The following DENND1B variants were observed in gnomAD, a reference collection of about 807,000 sequenced individuals.
DENND1B encodes DENN domain-containing protein 1B.
In DENND1B, 59 loss-of-function variants were observed where a neutral mutation model predicts 90.1. That is an observed-to-expected ratio of 0.65 (90% confidence interval 0.53 to 0.81). The LOEUF is 0.81. Ranked by LOEUF, DENND1B falls within the 40% of genes least tolerant of loss-of-function variation. The pLI is 0.00. For missense variants in DENND1B, 862 were observed against 912.6 expected (o/e 0.94, Z 0.71); for synonymous variants, 337 against 324.6 (o/e 1.04, Z -0.41).
Position 197,510,273 on chromosome 1 carries a change from G to T in DENND1B, c.*187C>A. 1.5e-6 allele frequency: 1 copy of T among 653,900 alleles called. No individual in the cohort carries two copies. The highest frequency in any genetic ancestry group is 2.5e-6 in the Non-Finnish European group (1 of 400,996). 40.5% of individuals were successfully genotyped at this position (653,900 alleles called of 1,614,324 possible). A position where few individuals can be genotyped will look rare whatever the true frequency, so the allele number is the denominator to read the frequency against. ...CACTAGTACCTGATTTAAAAGCACA[G>T]TAGAATTCGCTTTATATTTAAAAAT... is the stretch of plus-strand genomic sequence containing the variant. On this transcript the variant is annotated 3_prime_UTR_variant, in exon 23 of 23. Coordinates refer to ENST00000620048, the MANE Select transcript of DENND1B (RefSeq NM_001195215.2).
At chr1:197,750,124 G>A (rs1653273062) in intron 2 of DENND1B, among the ~76,000 whole-genome samples, 1 of 152,148 alleles carries the variant, frequency 6.6e-6, no homozygotes, top group South Asian at 2.1e-4. Flanking sequence ...TGAGACTATA[G>A]GCGTGAGCCA....
At chr1:197,588,266 C>G (rs1674887316) in intron 14 of DENND1B, among the ~76,000 whole-genome samples, 1 of 152,158 alleles carries the variant, frequency 6.6e-6, no homozygotes, top group Admixed American at 6.6e-5. Context: ...GTATGCTGCT[C>G]AACTTCAGAG....
chr1:197,576,703 A>T (rs1673717970), intron 15 of DENND1B, among the ~76,000 whole-genome samples: 1 of 152,116 alleles, frequency 6.6e-6, no homozygotes, highest in South Asian at 2.1e-4. Flanking sequence ...CTTTAAAAAT[A>T]TGTATTCTCT....
intron 2 of DENND1B, among the ~76,000 whole-genome samples, chr1:197,723,349 C>T (rs1041978536): frequency 1.3e-5 from 2 of 152,102 alleles, no homozygotes; most frequent in African/African-American, 4.8e-5. Context: ...AATTTCTTTT[C>T]TTCGCACTCC....
chr1:197,692,689 A>G (rs1334355976), intron 3 of DENND1B, among the ~76,000 whole-genome samples: 1 of 151,858 alleles, frequency 6.6e-6, no homozygotes, highest in African/African-American at 2.4e-5. Flanking sequence ...TGGTTATATC[A>G]AAAGGAGGAA....
chr1:197,542,865 C>A (rs889394153), intron 18 of DENND1B, among the ~76,000 whole-genome samples: 1 of 152,190 alleles, frequency 6.6e-6, no homozygotes, highest in South Asian at 2.1e-4. Flanking sequence ...TTCTAAAGAT[C>A]TTAATTCACC....
chr1:197,719,496 G>GA (rs1220467450), intron 2 of DENND1B, among the ~76,000 whole-genome samples: 5 of 151,890 alleles, frequency 3.3e-5, no homozygotes, highest in South Asian at 4.2e-4. Flanking sequence ...TGAGTTTTGT[G>GA]AAAAAAAACT....
chr1:197,701,313 G>C (rs992931512), intron 3 of DENND1B, among the ~76,000 whole-genome samples: 4 of 152,154 alleles, frequency 2.6e-5, no homozygotes, highest in Non-Finnish European at 4.4e-5. Context: ...ATCTTCCTCA[G>C]CAAACTAACA....
At chr1:197,700,633 A>G (rs1658929827) in intron 3 of DENND1B, among the ~76,000 whole-genome samples, 1 of 152,178 alleles carries the variant, frequency 6.6e-6, no homozygotes, top group South Asian at 2.1e-4. Flanking sequence ...AGAAAAAGAA[A>G]CTATCATCAG....
At position 197,508,989 on chromosome 1, in the gene DENND1B, T is replaced by C. The variant is rs1031818394; in HGVS notation, c.*1471A>G. 2 of 151,756 alleles carry C rather than the reference T, an allele frequency of 1.3e-5. No individual in the cohort carries two copies. Among genetic ancestry groups the C allele is most frequent in the African/African-American group, 4.8e-5 (2 of 41,358 alleles). The allele number at this position is 151,756 out of a possible 1,614,324, so 9.4% of individuals were successfully genotyped here. On this transcript the variant is annotated 3_prime_UTR_variant, in exon 23 of 23. Transcript: ENST00000620048. ...GGAATTATGACTCCTCACTCCTGCA[T>C]GTAGTGACTTCCTTCCAAAAATGAC...
chr1:197,696,839 C>A (rs1438319408), intron 3 of DENND1B, among the ~76,000 whole-genome samples: 1 of 150,192 alleles, frequency 6.7e-6, no homozygotes, highest in Non-Finnish European at 1.5e-5. Flanking sequence ...TGAGAAAGTT[C>A]TGCCCCTTTT....
intron 3 of DENND1B, among the ~76,000 whole-genome samples, chr1:197,704,212 C>A (rs1292135929): frequency 6.6e-6 from 1 of 152,138 alleles, no homozygotes; most frequent in African/African-American, 2.4e-5. Flanking sequence ...GTCATGAGGG[C>A]ACTACTGCAC....
intron 2 of DENND1B, among the ~76,000 whole-genome samples, chr1:197,725,264 C>T (rs1053863682): frequency 4.6e-5 from 7 of 152,088 alleles, no homozygotes; most frequent in Admixed American, 6.5e-5. Context: ...ACATCGACAG[C>T]AGACTTCTCA....
chr1:197,767,000 G>A (rs1451494419), intron 2 of DENND1B, among the ~76,000 whole-genome samples: 3 of 151,798 alleles, frequency 2.0e-5, no homozygotes, highest in Non-Finnish European at 1.5e-5. Flanking sequence ...CACTATGTTG[G>A]CCAGGCTGGT....
chr1:197,561,242 C>T lies in DENND1B; in HGVS notation c.1150-8130G>A, dbSNP rs373855095. Reference sequence around the variant, plus strand: ...TTCAATCACAATTTCTGTCTCACCACGTCAGCAAAATTGCTCTTGCTAAGG... The same window carrying T: ...TTCAATCACAATTTCTGTCTCACCATGTCAGCAAAATTGCTCTTGCTAAGG... On this transcript the variant is annotated intron_variant, in intron 15 of 22. Transcript: ENST00000620048. Among the ~76,000 whole-genome samples, 21 of 152,008 alleles carry T rather than the reference C, an allele frequency of 1.4e-4. No individual in the cohort carries two copies. In the East Asian group the frequency reaches 3.9e-3, roughly 28 times the overall value.
intron 2 of DENND1B, among the ~76,000 whole-genome samples, chr1:197,771,091 T>C (rs1363305478): frequency 6.6e-6 from 1 of 151,694 alleles, no homozygotes; most frequent in Non-Finnish European, 1.5e-5. Flanking sequence ...TTGGTATTTT[T>C]AGTAGAGATG....
rs1417002558 is a variant in DENND1B, at chr1:197,717,393, A to AT, written c.83-2320dup. Among the ~76,000 whole-genome samples, 6 of 151,892 alleles carry AT rather than the reference A, an allele frequency of 4.0e-5. No individual in the cohort carries two copies. The East Asian group carries it at 7.7e-4, about 20-fold the overall frequency. On this transcript the variant is annotated intron_variant, in intron 2 of 22. Transcript: ENST00000620048. ...GAATCATCGTTGCCAGTTATGACTG[A>AT]TATACACTGTGTTTCTCTTTTTTCC...
intron 15 of DENND1B, among the ~76,000 whole-genome samples, chr1:197,566,010 T>C (rs1003151988): frequency 1.3e-5 from 2 of 151,918 alleles, no homozygotes; most frequent in African/African-American, 4.8e-5. Context: ...TACCCAGTAA[T>C]GGGATGGCTG....
chr1:197,506,977 G>T lies in DENND1B; in HGVS notation c.*3483C>A, dbSNP rs889048783. On this transcript the variant is annotated 3_prime_UTR_variant, in exon 23 of 23. Transcript: ENST00000620048. ...CTCTAAATCTGCCCCTTAAATGTGG[G>T]TATCTTAGCAGCATAATATACTTAG... 3.3e-5 allele frequency: 5 copies of T among 151,046 alleles called. No homozygotes were observed. The highest frequency in any genetic ancestry group is 1.2e-4 in the African/African-American group (5 of 41,246). 9.4% of individuals were successfully genotyped at this position (151,046 alleles called of 1,614,324 possible).
Sources: allele counts gnomAD v4.1 joint callset (sites outside exome capture counted in the v4.1 genomes callset), GRCh38; gene constraint gnomAD v4.1.1; transcripts MANE v1.5; gene names NCBI Gene and HGNC (gene_info 2026-07-23, HGNC 2026-07-21).